The following MAP2K1 variants were observed in gnomAD, a reference collection of about 807,000 sequenced individuals.
The protein encoded by MAP2K1 is mitogen-activated protein kinase kinase 1, also known as dual specificity mitogen-activated protein kinase kinase 1.
In MAP2K1, 16 loss-of-function variants were observed where a neutral mutation model predicts 46.3. That is an observed-to-expected ratio of 0.35 (90% CI 0.23 to 0.52). MAP2K1 has a LOEUF of 0.52. Ranked by LOEUF, MAP2K1 falls within the 20% of genes least tolerant of loss-of-function variation. MAP2K1 has a pLI of 0.94. For synonymous variants in MAP2K1, 183 were observed against 185.6 expected (o/e 0.99, Z 0.11); for missense variants, 263 against 497.1 (o/e 0.53, Z 4.48).
rs577514231 is a variant in MAP2K1, at chr15:66,458,269, A to C, written c.568+13562A>C. On this transcript the variant is annotated intron_variant, in intron 5 of 10. Coordinates refer to ENST00000307102, the MANE Select transcript of MAP2K1 (RefSeq NM_002755.4). Reference sequence around the variant, plus strand: ...CACCCTGCCGTTCTTAACCTGCTCTAATTATCAAGGCCTTATTTTGACTAA... The same window carrying C: ...CACCCTGCCGTTCTTAACCTGCTCTCATTATCAAGGCCTTATTTTGACTAA... 3.1e-3 allele frequency among the ~76,000 whole-genome samples: 465 copies of C among 152,298 alleles called. 2 individuals are homozygous for C. The highest frequency in any genetic ancestry group is 4.2e-3 in the Non-Finnish European group (289 of 68,028).
At chr15:66,471,889 C>T (rs1198652623) in intron 5 of MAP2K1, among the ~76,000 whole-genome samples, 1 of 151,934 alleles carries the variant, frequency 6.6e-6, no homozygotes, top group Non-Finnish European at 1.5e-5. Context: ...CCAGCCTGGC[C>T]AACATGGTGA....
rs148877412 is a variant in MAP2K1 at position 66,409,996 on chromosome 15, G to A, written c.80+22569G>A. Among the ~76,000 whole-genome samples the A allele has an allele frequency of 2.9e-3, 448 of 152,244 alleles. 1 individual carries two copies. The highest frequency in any genetic ancestry group is 0.01 in the African/African-American group (417 of 41,528). ...ACCACTTGTCCTTAAAATGACAGAG[G>A]TGGAAAAGATCTTGATAGTTCAGCC... On this transcript the variant is annotated intron_variant, in intron 1 of 10. Transcript: ENST00000307102.
intron 1 of MAP2K1, among the ~76,000 whole-genome samples, chr15:66,411,172 C>G (rs925234774): frequency 6.6e-6 from 1 of 151,860 alleles, no homozygotes; most frequent in Admixed American, 6.6e-5. Context: ...CCAAGAAATG[C>G]GAATCCTGCC....
intron 2 of MAP2K1, among the ~76,000 whole-genome samples, chr15:66,435,602 AC>A (rs2093485959): frequency 6.6e-6 from 1 of 152,144 alleles, no homozygotes; most frequent in Non-Finnish European, 1.5e-5. Context: ...TGCTGGGATT[AC>A]AGGTGTGAGC....
intron 5 of MAP2K1, among the ~76,000 whole-genome samples, chr15:66,478,402 ATATATATATATACACACAGG>A (rs759209399): frequency 2.0e-4 from 25 of 124,168 alleles, no homozygotes; most frequent in South Asian, 4.5e-4. Context: ...ATGTGTGTGT[ATATATATATATACACACAGG>A]TATATATATA....
At chr15:66,488,237 T>A (rs1382306753) in intron 8 of MAP2K1, among the ~76,000 whole-genome samples, 1 of 152,184 alleles carries the variant, frequency 6.6e-6, no homozygotes, top group Middle Eastern at 3.2e-3. Context: ...GAATGGTCCC[T>A]TGATTCCCTC....
intron 1 of MAP2K1, among the ~76,000 whole-genome samples, chr15:66,412,932 G>C (rs1389110688): frequency 6.6e-6 from 1 of 151,812 alleles, no homozygotes; most frequent in Admixed American, 6.6e-5. Flanking sequence ...GTCTCTCTCT[G>C]TCGCCCTGGC....
chr15:66,443,328 G>A lies in MAP2K1; in HGVS notation c.487G>A (p.Glu163Lys), dbSNP rs2140598148. The A allele has an allele frequency of 6.2e-7, 1 of 1,612,858 alleles. No homozygotes were observed. The highest frequency in any genetic ancestry group is 1.1e-5 in the South Asian group (1 of 91,048). The change falls in exon 4 of 11, where the codon GAA becomes AAA. Residue 163 changes from glutamate (E) to lysine (K), a missense_variant. By Grantham distance (56) the Glu-to-Lys change is moderately conservative. Coordinates refer to ENST00000307102, the MANE Select transcript of MAP2K1 (RefSeq NM_002755.4). ...QVLKKAGRIP[E>K]QILGKVSIAV... ...CCTGAAGAAAGCTGGAAGAATTCCT[G>A]AACAAATTTTAGGAAAAGTTAGCAT...
intron 4 of MAP2K1, among the ~76,000 whole-genome samples, chr15:66,443,782 AAG>A: frequency 6.6e-6 from 1 of 152,194 alleles, no homozygotes. Context: ...CTGAGGTGGG[AAG>A]ATCACTTGAG....
At chr15:66,437,452 C>T (rs189089837) in intron 3 of MAP2K1, among the ~76,000 whole-genome samples, 1 of 152,296 alleles carries the variant, frequency 6.6e-6, no homozygotes, top group East Asian at 1.9e-4. Flanking sequence ...ATAAGTCTTC[C>T]AACACACTGT....
intron 1 of MAP2K1, among the ~76,000 whole-genome samples, chr15:66,397,842 G>A (rs1043367651): frequency 7.9e-5 from 12 of 152,148 alleles, no homozygotes; most frequent in African/African-American, 2.4e-4. Context: ...GGTGGCTCAC[G>A]CCTGTAATCC....
intron 6 of MAP2K1, among the ~76,000 whole-genome samples, chr15:66,484,147 C>A (rs1025677564): frequency 1.1e-4 from 17 of 151,482 alleles, no homozygotes; most frequent in African/African-American, 3.4e-4. Flanking sequence ...CCACCCCCCC[C>A]CACCTTTTTT....
chr15:66,481,942 T>G, intron 6 of MAP2K1, 63 bp downstream of exon 6: 1 of 1,578,100 alleles, frequency 6.3e-7, no homozygotes, highest in Non-Finnish European at 8.6e-7. Context: ...GCCCAGTGGG[T>G]GCCTTTCCTG....
chr15:66,469,578 G>T (rs1892563095), intron 5 of MAP2K1, among the ~76,000 whole-genome samples: 1 of 143,740 alleles, frequency 7.0e-6, no homozygotes, highest in Admixed American at 7.4e-5. Context: ...AGAGAGAGCA[G>T]AAGTAAATGA....
chr15:66,456,894 A>G (rs1892178291), intron 5 of MAP2K1, among the ~76,000 whole-genome samples: 1 of 152,178 alleles, frequency 6.6e-6, no homozygotes, highest in Admixed American at 6.5e-5. Flanking sequence ...TGGGTGCTGA[A>G]AGCAAGCAAA....
chr15:66,407,762 A>T (rs1399733614), intron 1 of MAP2K1, among the ~76,000 whole-genome samples: 1 of 152,212 alleles, frequency 6.6e-6, no homozygotes, highest in Admixed American at 6.5e-5. Context: ...GGATTACTTG[A>T]GCCCAGAAGG....
chr15:66,448,152 CAAAAAAA>C (rs67953737), intron 5 of MAP2K1, among the ~76,000 whole-genome samples: 1 of 86,980 alleles, frequency 1.1e-5, no homozygotes, highest in Admixed American at 1.3e-4. Context: ...GACTCCATCT[CAAAAAAA>C]AAAAAAAAAA....
At chr15:66,462,858 C>T (rs1306310100) in intron 5 of MAP2K1, among the ~76,000 whole-genome samples, 3 of 152,148 alleles carry the variant, frequency 2.0e-5, no homozygotes, top group African/African-American at 4.8e-5. Flanking sequence ...CCTTAGGGAA[C>T]GTGAGGACCA....
chr15:66,488,824 C>CTGGTAAAT, intron 8 of MAP2K1: 2 of 259,140 alleles, frequency 7.7e-6, no homozygotes, highest in Non-Finnish European at 1.5e-5. Flanking sequence ...CGTTCCCATG[C>CTGGTAAAT]CGCACTCCAA....
Sources: gnomAD v4.1 joint callset for allele counts (sites outside exome capture counted in the v4.1 genomes callset) on GRCh38, gnomAD v4.1.1 for gene constraint, MANE v1.5 for transcripts, NCBI Gene and HGNC (gene_info 2026-07-23, HGNC 2026-07-21) for gene names.